Variants in THSD7B observed in about 807,000 individuals in gnomAD.
THSD7B encodes the protein thrombospondin type-1 domain-containing protein 7B.
In THSD7B, 138 loss-of-function variants were observed where a neutral mutation model predicts 213.6. The ratio of observed to expected loss-of-function variants is 0.65; its 90% confidence interval spans 0.56 to 0.74. The LOEUF (loss-of-function observed/expected upper bound fraction) is 0.74. Among genes scored for constraint, THSD7B ranks in the 30% least tolerant of loss-of-function variants. The pLI, the probability that THSD7B is intolerant of heterozygous loss-of-function variation, is 0.00. For synonymous variants in THSD7B, 742 were observed against 687.0 expected, an observed-to-expected ratio of 1.08 and a Z score of -1.25; for missense variants, 1,931 against 1,991.5, an observed-to-expected ratio of 0.97 and a Z score of 0.58.
intron 3 of THSD7B, among the ~76,000 whole-genome samples, chr2:137,085,553 A>T (rs2104908709): frequency 6.6e-6 from 1 of 152,254 alleles, no homozygotes; most frequent in South Asian, 2.1e-4. Flanking sequence ...ATTAATAAAA[A>T]GTTGGAGACT....
In THSD7B at chr2:137,405,409, C is replaced by G. The variant is rs183093751; in HGVS notation, c.2501-204C>G. ...CGCAGGGTTTGGATTAATAATGAAA[C>G]CAATTAAATCCTCAAATACCTCCAA... On this transcript the variant is annotated intron_variant, in intron 12 of 27. Coordinates refer to ENST00000409968, the MANE Select transcript of THSD7B (RefSeq NM_001316349.2). Among the ~76,000 whole-genome samples, 649 of 152,040 alleles carry G rather than the reference C, an allele frequency of 4.3e-3. 6 individuals carry two copies. Among genetic ancestry groups the G allele is most frequent in the African/African-American group, 0.015 (610 of 41,466 alleles).
At chr2:137,518,749 A>G (rs1441556660) in intron 15 of THSD7B, among the ~76,000 whole-genome samples, 1 of 152,148 alleles carries the variant, frequency 6.6e-6, no homozygotes, top group Non-Finnish European at 1.5e-5. Flanking sequence ...GAGGTTACGC[A>G]TGGGCTCAGC....
At chr2:137,482,770 C>T (rs932827427) in intron 15 of THSD7B, among the ~76,000 whole-genome samples, 3 of 152,038 alleles carry the variant, frequency 2.0e-5, no homozygotes, top group African/African-American at 7.2e-5. Flanking sequence ...TCAGAACCAC[C>T]GTTTCTACCC....
chr2:137,279,968 G>C (rs1682968288), intron 12 of THSD7B, among the ~76,000 whole-genome samples: 1 of 152,138 alleles, frequency 6.6e-6, no homozygotes, highest in African/African-American at 2.4e-5. Context: ...TAAAGTCATG[G>C]GAAAGCCGGC....
chr2:137,464,224 C>T (rs924321052), intron 15 of THSD7B, among the ~76,000 whole-genome samples: 2 of 151,876 alleles, frequency 1.3e-5, no homozygotes, highest in Non-Finnish European at 2.9e-5. Flanking sequence ...AATGTTTATC[C>T]CTCCCCAAAA....
intron 8 of THSD7B, among the ~76,000 whole-genome samples, chr2:137,231,678 C>A (rs181849126): frequency 2.0e-5 from 3 of 152,288 alleles, no homozygotes; most frequent in African/African-American, 7.2e-5. Context: ...CTACCTGATC[C>A]GTGCATGCTG....
intron 2 of THSD7B, among the ~76,000 whole-genome samples, chr2:137,015,706 C>A (rs138489842): frequency 3.9e-5 from 6 of 152,112 alleles, no homozygotes; most frequent in Non-Finnish European, 5.9e-5. Flanking sequence ...TCTCCTGCAC[C>A]GTTACCCTTT....
At chr2:137,634,864 A>G (rs1682804939) in intron 20 of THSD7B, among the ~76,000 whole-genome samples, 3 of 152,182 alleles carry the variant, frequency 2.0e-5, no homozygotes, top group Non-Finnish European at 4.4e-5. Context: ...TTCAGTAGGA[A>G]TATGATCTAG....
rs115418380 is a variant in THSD7B, at chr2:136,859,316, T to A, written c.-35-22828T>A. 3.7e-3 allele frequency among the ~76,000 whole-genome samples: 565 copies of A among 152,346 alleles called. 3 individuals are homozygous for A. Among genetic ancestry groups the A allele is most frequent in the African/African-American group, 0.013 (542 of 41,574 alleles). ...AAGTGTCTGAAATGAGGCCTTTTCA[T>A]GTCTATGAATATTTTTATAAGGGAG... On this transcript the variant is annotated intron_variant, in intron 1 of 27. Coordinates refer to ENST00000409968, the MANE Select transcript of THSD7B (RefSeq NM_001316349.2).
chr2:137,617,758 C>G (rs1426192016), intron 18 of THSD7B, among the ~76,000 whole-genome samples: 2 of 152,072 alleles, frequency 1.3e-5, no homozygotes, highest in Non-Finnish European at 2.9e-5. Context: ...AGTCCAAAAT[C>G]AAGGTGCTAC....
intron 17 of THSD7B, among the ~76,000 whole-genome samples, chr2:137,604,203 G>T (rs1682129843): frequency 6.6e-6 from 1 of 152,110 alleles, no homozygotes; most frequent in East Asian, 1.9e-4. Flanking sequence ...AGTAAGGAAA[G>T]AGTTTTCTTC....
At chr2:136,838,042 GT>G (rs1216799619) in intron 1 of THSD7B, among the ~76,000 whole-genome samples, 1 of 152,156 alleles carries the variant, frequency 6.6e-6, no homozygotes, top group Non-Finnish European at 1.5e-5. Flanking sequence ...ACACCTGTAT[GT>G]TTTTTATAAA....
rs763139568 is a variant in THSD7B, at chr2:137,450,916, T to C, written c.3031T>C (p.Ser1011Pro). The C allele has an allele frequency of 6.2e-7, 1 of 1,613,618 alleles. No individual in the cohort carries two copies. Among genetic ancestry groups the C allele is most frequent in the Non-Finnish European group, 8.5e-7 (1 of 1,179,690 alleles). Residue 1011 changes from serine (S) to proline (P), a missense_variant, in exon 15 of 28, where the codon TCT becomes CCT. Physicochemically the swap from Ser to Pro is moderately conservative, Grantham distance 74. Coordinates refer to ENST00000409968, the MANE Select transcript of THSD7B (RefSeq NM_001316349.2). ...CKLSDWSSWG[S>P]CSSSCGIGVR... ...GTTAAGCGATTGGTCTAGTTGGGGG[T>C]CTTGCAGTTCATCTTGTGGAATTGG...
intron 2 of THSD7B, among the ~76,000 whole-genome samples, chr2:137,045,121 T>C (rs1686946971): frequency 6.6e-6 from 1 of 152,222 alleles, no homozygotes; most frequent in Admixed American, 6.5e-5. Flanking sequence ...TCCTTCTTCA[T>C]AATTTCACAG....
intron 2 of THSD7B, among the ~76,000 whole-genome samples, chr2:137,003,067 G>C (rs955741682): frequency 2.6e-5 from 4 of 152,120 alleles, no homozygotes; most frequent in African/African-American, 9.7e-5. Context: ...TCAAATGTTT[G>C]ACATATCTCT....
intron 1 of THSD7B, among the ~76,000 whole-genome samples, chr2:136,824,716 GA>G (rs1325238094): frequency 4.6e-5 from 7 of 152,146 alleles, no homozygotes; most frequent in Non-Finnish European, 8.8e-5. Flanking sequence ...GTAAAAAATG[GA>G]TAAGGTGATG....
intron 15 of THSD7B, among the ~76,000 whole-genome samples, chr2:137,503,043 T>C (rs190084869): frequency 2.0e-5 from 3 of 152,318 alleles, no homozygotes; most frequent in Admixed American, 2.0e-4. Flanking sequence ...CAGGGAAAGA[T>C]ACATATTTTT....
At chr2:137,506,482 G>C (rs1679837312) in intron 15 of THSD7B, among the ~76,000 whole-genome samples, 1 of 152,232 alleles carries the variant, frequency 6.6e-6, no homozygotes, top group Non-Finnish European at 1.5e-5. Flanking sequence ...AACAAGTCCT[G>C]TATTTCTCCA....
chr2:137,630,001 T>G (rs561547903), intron 20 of THSD7B, among the ~76,000 whole-genome samples: 1 of 152,224 alleles, frequency 6.6e-6, no homozygotes, highest in African/African-American at 2.4e-5. Flanking sequence ...CTTCAATTTT[T>G]TTTTTTTCGC....
Sources: allele counts gnomAD v4.1 joint callset (sites outside exome capture counted in the v4.1 genomes callset), GRCh38; gene constraint gnomAD v4.1.1; transcripts MANE v1.5; gene names NCBI Gene and HGNC (gene_info 2026-07-23, HGNC 2026-07-21).